The following SS18L1 variants were observed in gnomAD, a reference collection of about 807,000 sequenced individuals.
SS18L1 encodes SS18L1 subunit of BAF chromatin remodeling complex.
SS18L1 carries 32 observed loss-of-function variants against 70.3 expected under a neutral mutation model. The ratio of observed to expected loss-of-function variants is 0.46; its 90% CI spans 0.34 to 0.61. The LOEUF (loss-of-function observed/expected upper bound fraction) is 0.61. Among genes scored for constraint, SS18L1 ranks in the 20% least tolerant of loss-of-function variants. The pLI, the probability that SS18L1 is intolerant of heterozygous loss-of-function variation, is 0.01. For missense variants in SS18L1, 430 were observed against 542.1 expected (o/e 0.79, Z 2.05); for synonymous variants, 237 against 229.7 (o/e 1.03, Z -0.29).
At chr20:62,165,339 C>G in intron 7 of SS18L1, 83 bp from the exon 8 acceptor site, 1 of 1,374,134 alleles carries the variant, frequency 7.3e-7, no homozygotes, top group Non-Finnish European at 1.0e-6. Context: ...ACAACATCTC[C>G]CCAGCCTGGG....
rs371626155 is a variant in SS18L1 at position 62,174,683 on chromosome 20, G to A, written c.1164+39G>A. ...ATGTTTCCAGATGTGCCCATCCGCC[G>A]CGCCTGTCGAGACATAATGAAGATT... On this transcript the variant is annotated intron_variant, in intron 10 of 10. Coordinates refer to ENST00000331758, the MANE Select transcript of SS18L1 (RefSeq NM_198935.3). The surrounding 1 kb of genome is among the most constrained non-coding windows in gnomAD (Gnocchi z 4.1). The A allele has an allele frequency of 4.3e-5, 70 of 1,612,940 alleles. No homozygotes were observed. The highest frequency in any genetic ancestry group is 3.4e-4 in the South Asian group (31 of 91,000).
At chr20:62,145,947 C>A (rs958009425) in intron 1 of SS18L1, among the ~76,000 whole-genome samples, 1 of 152,128 alleles carries the variant, frequency 6.6e-6, no homozygotes, top group African/African-American at 2.4e-5. Flanking sequence ...CTGAAGCCTG[C>A]GTGGTAGTGA....
At position 62,179,554 on chromosome 20, in the gene SS18L1, C is replaced by T. The variant is rs1428432162; in HGVS notation, c.*346C>T. The T allele has an allele frequency of 7.9e-6, 3 of 381,470 alleles. No homozygotes were observed. Among genetic ancestry groups the T allele is most frequent in the East Asian group, 4.4e-5 (1 of 22,988 alleles). The allele number at this position is 381,470 out of a possible 1,614,324, so 23.6% of individuals were successfully genotyped here. A position where few individuals can be genotyped will look rare whatever the true frequency, so the allele number is the denominator to read the frequency against. On this transcript the variant is annotated 3_prime_UTR_variant, in exon 11 of 11. Transcript: ENST00000331758. ...CTGTGCCCAGGGACAGGACAGATCT[C>T]GAGGACACCACAGTCCACCTGTTCC...
intron 1 of SS18L1, among the ~76,000 whole-genome samples, chr20:62,152,652 C>T (rs1454103799): frequency 6.6e-6 from 1 of 151,082 alleles, no homozygotes; most frequent in Non-Finnish European, 1.5e-5. Context: ...GCGTGAATGG[C>T]TTCTTTGTTC....
At position 62,179,102 on chromosome 20, in the gene SS18L1, C is replaced by G. The variant is rs187395049; in HGVS notation, c.1165-80C>G. ...TTGCTTGCTGTTGTCCCTCCTACCC[C>G]CTGTCCGGGCTGGGGTGGACGTCTG... On this transcript the variant is annotated intron_variant, in intron 10 of 10. Transcript: ENST00000331758. 2,921 of 1,519,304 alleles carry G rather than the reference C, an allele frequency of 1.9e-3. 9 individuals carry two copies. The highest frequency in any genetic ancestry group is 6.5e-3 in the Middle Eastern group (38 of 5,858). 94.1% of individuals were successfully genotyped at this position (1,519,304 alleles called of 1,614,324 possible).
rs906721943 is a variant in SS18L1, at chr20:62,159,220, G to C, written c.146+472G>C. Among the ~76,000 whole-genome samples, 1 of 152,222 alleles carries C rather than the reference G, an allele frequency of 6.6e-6. No individual in the cohort carries two copies. The highest frequency in any genetic ancestry group is 2.4e-5 in the African/African-American group (1 of 41,462). On this transcript the variant is annotated intron_variant, in intron 2 of 10. Coordinates refer to ENST00000331758, the MANE Select transcript of SS18L1 (RefSeq NM_198935.3). The surrounding 1 kb of genome is among the most constrained non-coding windows in gnomAD (Gnocchi z 4.4). ...GCACCAGGAGACAGCACCTACTCCA[G>C]GTGGGACCTCCTGTGACCCTGTGAA...
chr20:62,157,098 C>A (rs945070046), intron 1 of SS18L1, among the ~76,000 whole-genome samples: 1 of 152,158 alleles, frequency 6.6e-6, no homozygotes, highest in Non-Finnish European at 1.5e-5. Context: ...AGTGCTGCCC[C>A]CAGGTGGACA....
At position 62,180,365 on chromosome 20, in the gene SS18L1, A is replaced by C. The variant is rs536403243; in HGVS notation, c.*1157A>C. On this transcript the variant is annotated 3_prime_UTR_variant, in exon 11 of 11. Transcript: ENST00000331758. The stretch of plus-strand genomic sequence containing the variant: ...GAACATTAAAGACAGCACACTTGCA[A>C]AAGTATGGTCAAAGGAAAAAAATCC... 5.3e-6 allele frequency: 1 copy of C among 187,226 alleles called. No homozygotes were observed. The highest frequency in any genetic ancestry group is 2.0e-4 in the South Asian group (1 of 5,124). 11.6% of individuals were successfully genotyped at this position (187,226 alleles called of 1,614,324 possible).
intron 1 of SS18L1, among the ~76,000 whole-genome samples, chr20:62,145,995 T>C (rs2057018155): frequency 6.7e-6 from 1 of 148,886 alleles, no homozygotes; most frequent in African/African-American, 2.6e-5. Context: ...TACAGCATTC[T>C]GCGTGGTAGC....
At chr20:62,163,325 G>A in intron 5 of SS18L1, 133 bp from the exon 6 acceptor site, 1 of 1,349,464 alleles carries the variant, frequency 7.4e-7, no homozygotes, top group Non-Finnish European at 1.0e-6. Context: ...GTGCCTTGCG[G>A]TGGAGGACGC....
intron 7 of SS18L1, among the ~76,000 whole-genome samples, chr20:62,164,894 T>TAAATAAAGTAAAAATAACAATA (rs2057399806): frequency 6.6e-6 from 1 of 152,150 alleles, no homozygotes; most frequent in Non-Finnish European, 1.5e-5. Context: ...ATCCTGTCTC[T>TAAATAAAGTAAAAATAACAATA]AAATAAAGTA....
rs1258711550 is a variant in SS18L1, at chr20:62,179,194, A to C, written c.1177A>C (p.Asn393His). Reference protein sequence around the residue: ...PYGYEQGQYGNYQQ With the variant: ...PYGYEQGQYGHYQQ ...TGATCTCTTTTAGGGCCAGTATGGA[A>C]ATTACCAGCAGTAAGGGACACACAT... The change falls in exon 11 of 11, where the codon AAT becomes CAT. Residue 393 changes from asparagine to histidine, a missense_variant. Coordinates refer to ENST00000331758, the MANE Select transcript of SS18L1 (RefSeq NM_198935.3). 6.2e-7 allele frequency: 1 copy of C among 1,614,006 alleles called. No individual in the cohort carries two copies. Among genetic ancestry groups the C allele is most frequent in the East Asian group, 2.2e-5 (1 of 44,890 alleles).
intron 1 of SS18L1, among the ~76,000 whole-genome samples, chr20:62,146,250 C>T (rs552899116): frequency 4.0e-4 from 61 of 152,352 alleles, no homozygotes; most frequent in Middle Eastern, 3.4e-3. Context: ...CCTTGTAGCA[C>T]TTGCTTGAGC....
intron 1 of SS18L1, among the ~76,000 whole-genome samples, chr20:62,148,103 C>G (rs565535288): frequency 1.8e-4 from 27 of 152,342 alleles, no homozygotes; most frequent in African/African-American, 6.5e-4. Flanking sequence ...AGGCTCCCCC[C>G]ACCCGAGAAG....
chr20:62,179,427 A>G lies in SS18L1; in HGVS notation c.*219A>G. The G allele has an allele frequency of 1.7e-6, 1 of 596,318 alleles. No homozygotes were observed. Among genetic ancestry groups the G allele is most frequent in the South Asian group, 2.0e-5 (1 of 49,912 alleles). 36.9% of individuals were successfully genotyped at this position (596,318 alleles called of 1,614,324 possible). The stretch of plus-strand genomic sequence containing the variant: ...GTGTGATACTTTTGGTGCTGTGTAT[A>G]GTATTGTATGTCGGTACACGGAGAG... On this transcript the variant is annotated 3_prime_UTR_variant, in exon 11 of 11. Coordinates refer to ENST00000331758, the MANE Select transcript of SS18L1 (RefSeq NM_198935.3).
In SS18L1 at chr20:62,163,342, CGTG is replaced by C. The variant is rs2057366658; in HGVS notation, c.557-114_557-112del. On this transcript the variant is annotated intron_variant, in intron 5 of 10. Coordinates refer to ENST00000331758, the MANE Select transcript of SS18L1 (RefSeq NM_198935.3). ...GCCTTGCGGTGGAGGACGCTGTCCT[CGTG>C]GGGAGCACAGGAAAATAACGAGGAA... 13 of 1,451,800 alleles carry C rather than the reference CGTG, an allele frequency of 9.0e-6. No homozygotes were observed. In the South Asian group the frequency reaches 1.1e-4, roughly 13 times the overall value. 89.9% of individuals were successfully genotyped at this position (1,451,800 alleles called of 1,614,324 possible). A position where few individuals can be genotyped will look rare whatever the true frequency, so the allele number is the denominator to read the frequency against.
rs568370908 is a variant in SS18L1 at position 62,181,185 on chromosome 20, C to T, written c.*1977C>T. The T allele has an allele frequency of 3.0e-4, 59 of 197,956 alleles. 1 individual carries two copies. The highest frequency in any genetic ancestry group is 1.3e-3 in the African/African-American group (58 of 43,424). The allele number at this position is 197,956 out of a possible 1,614,324, so 12.3% of individuals were successfully genotyped here. On this transcript the variant is annotated 3_prime_UTR_variant, in exon 11 of 11. Transcript: ENST00000331758. ...GAGAGAAGTGTTTATTTTGTAGGCACTAAGGGTTTCTAAAACCCTTAACAC... is the reference window on the plus strand; with the variant it reads ...GAGAGAAGTGTTTATTTTGTAGGCATTAAGGGTTTCTAAAACCCTTAACAC...
intron 1 of SS18L1, among the ~76,000 whole-genome samples, chr20:62,144,730 T>C (rs78015034): frequency 0.097 from 14,804 of 152,322 alleles, 2,180 homozygotes; most frequent in African/African-American, 0.31. Flanking sequence ...AAATTGAGAC[T>C]TTGTATTTTC....
In SS18L1 at chr20:62,161,409, T is replaced by C. The variant is rs780434268; in HGVS notation, c.232-27T>C. On this transcript the variant is annotated intron_variant, in intron 3 of 10. Transcript: ENST00000331758. The surrounding 1 kb of genome is among the most constrained non-coding windows in gnomAD (Gnocchi z 4.4). The stretch of plus-strand genomic sequence containing the variant: ...TCGCTCTCCGTAAATTAACCGTTTT[T>C]CCCTGAAAACTTCCTGTTGCCTGCA... 4 of 1,612,586 alleles carry C rather than the reference T, an allele frequency of 2.5e-6. No homozygotes were observed. Among genetic ancestry groups the C allele is most frequent in the African/African-American group, 1.3e-5 (1 of 74,958 alleles).
Sources: gnomAD v4.1 joint callset for allele counts (sites outside exome capture counted in the v4.1 genomes callset) on GRCh38, gnomAD v4.1.1 for gene constraint, Gnocchi (gnomAD v3.1) non-coding constraint, MANE v1.5 for transcripts, NCBI Gene and HGNC (gene_info 2026-07-23, HGNC 2026-07-21) for gene names.